Variants in SAMMSON observed in about 807,000 individuals in gnomAD.
SAMMSON encodes survival associated mitochondrial melanoma specific oncogenic non-coding RNA, also known as long intergenic non-protein coding RNA 1212.
intron 2 of SAMMSON, among the ~76,000 whole-genome samples, chr3:70,406,548 G>A (rs1404437081): frequency 6.6e-6 from 1 of 152,110 alleles, no homozygotes; most frequent in East Asian, 1.9e-4. Flanking sequence ...GAAGCTTATA[G>A]CATATATAGA....
At chr3:70,230,195 C>T (rs1419551413) in intron 4 of SAMMSON, among the ~76,000 whole-genome samples, 1 of 152,136 alleles carries the variant, frequency 6.6e-6, no homozygotes, top group Non-Finnish European at 1.5e-5. Context: ...AGCACATTGT[C>T]TCTTACTGGT....
intron 4 of SAMMSON, among the ~76,000 whole-genome samples, chr3:70,163,349 A>ATG (rs1474143923): frequency 6.8e-6 from 1 of 147,552 alleles, no homozygotes; most frequent in Admixed American, 6.8e-5. Context: ...TAGAATATAT[A>ATG]TATATAGAGA....
intron 4 of SAMMSON, among the ~76,000 whole-genome samples, chr3:70,218,560 A>G (rs1170290052): frequency 6.6e-6 from 1 of 152,130 alleles, no homozygotes; most frequent in Non-Finnish European, 1.5e-5. Context: ...CAGCAGCTGC[A>G]GTAGTGGCCT....
At chr3:70,347,872 A>T (rs1702763511) in intron 7 of SAMMSON, among the ~76,000 whole-genome samples, 1 of 152,226 alleles carries the variant, frequency 6.6e-6, no homozygotes, top group South Asian at 2.1e-4. Flanking sequence ...GCAAAGCCCC[A>T]TCTCTACCCA....
At chr3:70,022,364 G>A (rs149151888) in intron 3 of SAMMSON, among the ~76,000 whole-genome samples, 1,393 of 137,522 alleles carry the variant, frequency 0.01, 18 homozygotes, top group African/African-American at 0.036. Flanking sequence ...CATGGCACAT[G>A]TATACATATG....
Position 70,286,861 on chromosome 3 carries a change from C to G in SAMMSON, n.675-4318C>G, listed in dbSNP as rs142435739. 2.2e-4 allele frequency among the ~76,000 whole-genome samples: 33 copies of G among 152,082 alleles called. No individual in the cohort carries two copies. The East Asian group carries it at 6.2e-3, about 29-fold the overall frequency. ...TCTCATGATTTGGCTCTCTGTTTGT[C>G]TGTTGTTGGTGTATAAGAATGCTTG... is the stretch of plus-strand genomic sequence containing the variant. On this transcript the variant is annotated intron_variant and non_coding_transcript_variant, in intron 6 of 9. Transcript: ENST00000642114.
At chr3:70,056,208 C>T (rs528176558) in intron 3 of SAMMSON, among the ~76,000 whole-genome samples, 1 of 152,118 alleles carries the variant, frequency 6.6e-6, no homozygotes, top group South Asian at 2.1e-4. Context: ...ATTTGATAGC[C>T]ATCACCATGT....
chr3:70,267,394 CTTTTTTTTTT>C (rs9310185), intron 6 of SAMMSON, among the ~76,000 whole-genome samples: 1 of 74,844 alleles, frequency 1.3e-5, no homozygotes, highest in Non-Finnish European at 2.3e-5. Flanking sequence ...TTTTTAATAG[CTTTTTTTTTT>C]TTTTTTTTTT....
At chr3:70,167,081 T>C (rs2067640275) in intron 4 of SAMMSON, among the ~76,000 whole-genome samples, 1 of 152,046 alleles carries the variant, frequency 6.6e-6, no homozygotes, top group South Asian at 2.1e-4. Context: ...ATTTAACTCA[T>C]ATATCCAAAA....
chr3:70,390,512 G>T (rs181669679), downstream of SAMMSON, among the ~76,000 whole-genome samples: 6 of 152,194 alleles, frequency 3.9e-5, no homozygotes, highest in African/African-American at 1.4e-4. Flanking sequence ...ATGGCAGAAG[G>T]CAAAGGAGGA....
intron 6 of SAMMSON, among the ~76,000 whole-genome samples, chr3:70,268,259 G>A (rs1701940500): frequency 6.6e-6 from 1 of 151,978 alleles, no homozygotes; most frequent in Non-Finnish European, 1.5e-5. Flanking sequence ...TTGCCTGAGC[G>A]CAGAAGTTCG....
chr3:70,219,631 G>A (rs1701444397), intron 4 of SAMMSON, among the ~76,000 whole-genome samples: 2 of 152,180 alleles, frequency 1.3e-5, no homozygotes, highest in Admixed American at 6.5e-5. Context: ...AGGGACATGT[G>A]TGAACCAAGA....
chr3:70,058,977 C>T (rs1241673447), intron 3 of SAMMSON, among the ~76,000 whole-genome samples: 3 of 151,886 alleles, frequency 2.0e-5, no homozygotes, highest in Non-Finnish European at 1.5e-5. Flanking sequence ...TTAATATACC[C>T]GTTTTATAGG....
chr3:70,383,260 T>C (rs1703088678), intron 9 of SAMMSON, among the ~76,000 whole-genome samples: 1 of 151,924 alleles, frequency 6.6e-6, no homozygotes, highest in Non-Finnish European at 1.5e-5. Context: ...CTAGCAGGGC[T>C]AGTATACATT....
At chr3:70,015,050 G>A (rs983436042) in intron 3 of SAMMSON, 1 of 152,226 alleles carries the variant, frequency 6.6e-6, no homozygotes, top group Non-Finnish European at 1.5e-5. Context: ...GGAGGCCGAG[G>A]CGGGCGGATC....
chr3:70,304,115 A>C (rs990270752), intron 7 of SAMMSON, among the ~76,000 whole-genome samples: 1 of 152,104 alleles, frequency 6.6e-6, no homozygotes, highest in Admixed American at 6.6e-5. Context: ...GAAAGGCTCT[A>C]GGGCCTGCTT....
At chr3:70,253,219 G>C (rs2106653795) in intron 6 of SAMMSON, among the ~76,000 whole-genome samples, 1 of 152,344 alleles carries the variant, frequency 6.6e-6, no homozygotes, top group South Asian at 2.1e-4. Context: ...AGTCCTTACT[G>C]AGAAGGTGCC....
intron 2 of SAMMSON, among the ~76,000 whole-genome samples, chr3:70,412,765 G>A (rs118038785): frequency 6.6e-6 from 1 of 152,248 alleles, no homozygotes; most frequent in East Asian, 1.9e-4. Context: ...TAGAATTGGT[G>A]ACATCTTGAA....
chr3:70,374,968 A>G (rs1048542365), intron 9 of SAMMSON, among the ~76,000 whole-genome samples: 7 of 152,096 alleles, frequency 4.6e-5, no homozygotes, highest in African/African-American at 1.7e-4. Flanking sequence ...ATTTTCTCCA[A>G]TATTGAGTCT....
Sources: allele counts gnomAD v4.1 joint callset (sites outside exome capture counted in the v4.1 genomes callset), GRCh38; gene constraint gnomAD v4.1.1; transcripts MANE v1.5; gene names NCBI Gene and HGNC (gene_info 2026-07-23, HGNC 2026-07-21).